The following ICA1L variants were observed in gnomAD, a reference collection of about 807,000 sequenced individuals.
The protein encoded by ICA1L is islet cell autoantigen 1-like protein.
ICA1L carries 50 observed loss-of-function variants against 61.3 expected under a neutral mutation model. The observed-to-expected ratio is 0.82, with a 90% confidence interval of 0.65 to 1.03. The LOEUF (loss-of-function observed/expected upper bound fraction) is 1.03. Among genes scored for constraint, ICA1L ranks in the 50% least tolerant of loss-of-function variants. The probability of loss-of-function intolerance (pLI) is 0.00; values close to 1 mark genes in which losing one functional copy is unlikely to be tolerated. For missense variants in ICA1L, 508 were observed against 556.7 expected, an observed-to-expected ratio of 0.91 and a Z score of 0.88; for synonymous variants, 161 against 191.3, an observed-to-expected ratio of 0.84 and a Z score of 1.31.
chr2:202,828,277 A>C (rs1408734393), intron 2 of ICA1L, among the ~76,000 whole-genome samples: 2 of 152,014 alleles, frequency 1.3e-5, no homozygotes, highest in Non-Finnish European at 2.9e-5. Flanking sequence ...AAAAAAAAAA[A>C]AAACAGACTT....
At chr2:202,809,410 G>A (rs938681673) in intron 9 of ICA1L, among the ~76,000 whole-genome samples, 7 of 152,046 alleles carry the variant, frequency 4.6e-5, no homozygotes, top group Admixed American at 2.6e-4. Flanking sequence ...AGTACTTCGA[G>A]AGGCCAAGCG....
intron 1 of ICA1L, among the ~76,000 whole-genome samples, chr2:202,842,977 AT>A (rs963196900): frequency 1.3e-5 from 2 of 151,990 alleles, no homozygotes; most frequent in Non-Finnish European, 2.9e-5. Flanking sequence ...CCAGAATTTG[AT>A]TTTTTTAAAA....
chr2:202,869,928 G>A (rs1208618345), intron 1 of ICA1L, among the ~76,000 whole-genome samples: 2 of 152,052 alleles, frequency 1.3e-5, no homozygotes, highest in African/African-American at 4.8e-5. Flanking sequence ...AGACAAAATG[G>A]AAGAGGGTAA....
chr2:202,825,015 G>A (rs968595973), intron 3 of ICA1L, among the ~76,000 whole-genome samples: 1 of 152,152 alleles, frequency 6.6e-6, no homozygotes, highest in Non-Finnish European at 1.5e-5. Context: ...CTTGACTGGA[G>A]TGAGTACAAG....
At chr2:202,800,810 A>T (rs914426521) in intron 9 of ICA1L, among the ~76,000 whole-genome samples, 2 of 152,202 alleles carry the variant, frequency 1.3e-5, no homozygotes, top group African/African-American at 4.8e-5. Flanking sequence ...AAAAGTAAAA[A>T]AAGGTAAAAA....
chr2:202,780,787 T>TATC (rs1235894193), intron 12 of ICA1L, among the ~76,000 whole-genome samples: 1 of 152,172 alleles, frequency 6.6e-6, no homozygotes, highest in Non-Finnish European at 1.5e-5. Context: ...CCTGAAGTAG[T>TATC]ATCAGTGATA....
In ICA1L at chr2:202,822,804, G is replaced by A. The variant is rs189757926; in HGVS notation, c.236-1323C>T. Among the ~76,000 whole-genome samples the A allele has an allele frequency of 1.9e-4, 29 of 152,212 alleles. No individual in the cohort carries two copies. In the East Asian group the frequency reaches 3.3e-3, roughly 17 times the overall value. ...CTGCCTCCCCACTACCCCTGTCCCC[G>A]CTGCCATGCCTACAAGGGTGACCCA... On this transcript the variant is annotated intron_variant, in intron 3 of 12. Coordinates refer to ENST00000358299, the MANE Select transcript of ICA1L (RefSeq NM_001288622.3).
chr2:202,847,168 A>G (rs1694486774), intron 1 of ICA1L, among the ~76,000 whole-genome samples: 1 of 152,208 alleles, frequency 6.6e-6, no homozygotes, highest in Non-Finnish European at 1.5e-5. Context: ...ATCTCTCCAT[A>G]TTCCAGACAT....
At chr2:202,855,247 G>T (rs1333605873) in intron 1 of ICA1L, among the ~76,000 whole-genome samples, 1 of 151,954 alleles carries the variant, frequency 6.6e-6, no homozygotes, top group Non-Finnish European at 1.5e-5. Flanking sequence ...AACTAGAGAA[G>T]CAAGAGCAAA....
Position 202,774,015 on chromosome 2 carries a change from A to T in ICA1L, c.*5518T>A, listed in dbSNP as rs186595866. On this transcript the variant is annotated 3_prime_UTR_variant, in exon 13 of 13. Transcript: ENST00000358299. ...GAAGAGTTGGCTGTTTTATTTTTTT[A>T]AATTATGAACTAGCGCTGCTCCACT... The T allele has an allele frequency of 3.2e-5, 28 of 887,580 alleles. No homozygotes were observed. In the African/African-American group the frequency reaches 3.7e-4, roughly 12 times the overall value. 55.0% of individuals were successfully genotyped at this position (887,580 alleles called of 1,614,324 possible).
At position 202,803,340 on chromosome 2, in the gene ICA1L, G is replaced by A. The variant is rs571879711; in HGVS notation, c.911-6376C>T. 2.1e-5 allele frequency among the ~76,000 whole-genome samples: 3 copies of A among 142,354 alleles called. 1 individual carries two copies. Among genetic ancestry groups the A allele is most frequent in the African/African-American group, 5.2e-5 (2 of 38,708 alleles). The allele number at this position is 142,354 out of a possible 152,430, so 93.4% of individuals were successfully genotyped here. On this transcript the variant is annotated intron_variant, in intron 9 of 12. Coordinates refer to ENST00000358299, the MANE Select transcript of ICA1L (RefSeq NM_001288622.3). Reference sequence around the variant, plus strand: ...CTCTTGAACCCAGGAGGCAGAGGTCGTAGTGAGCTGAGTTTGCACCACTGC... The same window carrying A: ...CTCTTGAACCCAGGAGGCAGAGGTCATAGTGAGCTGAGTTTGCACCACTGC...
rs781526215 is a variant in ICA1L at position 202,815,932 on chromosome 2, C to T, written c.762G>A (p.Pro254=). Residue 254 remains proline (P), a synonymous_variant, in exon 7 of 13, where the codon CCG becomes CCA. Coordinates refer to ENST00000358299, the MANE Select transcript of ICA1L (RefSeq NM_001288622.3). ...QIHEACIGFH[P]YDFVALKQLQ... ...GTACCTTGAGAGCTACAAAATCATACGGATGAAAGCCAATACAGGCTTCAT... is the reference window on the plus strand; with the variant it reads ...GTACCTTGAGAGCTACAAAATCATATGGATGAAAGCCAATACAGGCTTCAT... 1.8e-5 allele frequency: 28 copies of T among 1,590,006 alleles called. No homozygotes were observed. The highest frequency in any genetic ancestry group is 2.3e-5 in the South Asian group (2 of 87,234).
rs139178253 is a variant in ICA1L at position 202,841,450 on chromosome 2, A to C, written c.-7-12434T>G. The C allele has an allele frequency of 1.2e-3, 1,293 of 1,118,372 alleles. 10 individuals carry two copies. The African/African-American group carries it at 0.016, about 14-fold the overall frequency. The allele number at this position is 1,118,372 out of a possible 1,614,324, so 69.3% of individuals were successfully genotyped here. A position where few individuals can be genotyped will look rare whatever the true frequency, so the allele number is the denominator to read the frequency against. The stretch of plus-strand genomic sequence containing the variant: ...CAGCATCTTGTTCTGCTGCTCCAGG[A>C]ATTGTACCTTGTCTATGGAGGAGGC... On this transcript the variant is annotated intron_variant, in intron 1 of 12. Transcript: ENST00000358299.
intron 2 of ICA1L, among the ~76,000 whole-genome samples, chr2:202,826,079 C>G (rs569433472): frequency 6.6e-6 from 1 of 152,142 alleles, no homozygotes; most frequent in East Asian, 1.9e-4. Context: ...CAACATAAAT[C>G]TAATATAAAC....
chr2:202,841,533 C>T (rs1694329689), intron 1 of ICA1L: 1 of 723,090 alleles, frequency 1.4e-6, no homozygotes, highest in Admixed American at 1.8e-5. Flanking sequence ...TTGGGTTCCA[C>T]CTCCAGGTTA....
intron 1 of ICA1L, among the ~76,000 whole-genome samples, chr2:202,861,698 C>T (rs566409746): frequency 6.6e-6 from 1 of 151,578 alleles, no homozygotes; most frequent in African/African-American, 2.4e-5. Flanking sequence ...ACCAGCCTGG[C>T]CAACATGGTG....
intron 1 of ICA1L, chr2:202,841,744 G>T: frequency 2.1e-6 from 1 of 487,008 alleles, no homozygotes; most frequent in Non-Finnish European, 4.0e-6. Flanking sequence ...ACCTCTGGTG[G>T]ACACCTTGTA....
Position 202,779,527 on chromosome 2 carries a change from C to T in ICA1L, c.*6G>A. 6.5e-7 allele frequency: 1 copy of T among 1,545,404 alleles called. No individual in the cohort carries two copies. Among genetic ancestry groups the T allele is most frequent in the Non-Finnish European group, 8.9e-7 (1 of 1,122,582 alleles). ...CAAGGCCACTGAAGTGACATTATAA[C>T]TTCAGTCAAGCATTAAGAAGTTCAT... On this transcript the variant is annotated 3_prime_UTR_variant, in exon 13 of 13. Coordinates refer to ENST00000358299, the MANE Select transcript of ICA1L (RefSeq NM_001288622.3).
intron 1 of ICA1L, among the ~76,000 whole-genome samples, chr2:202,857,277 T>C (rs1036357762): frequency 6.6e-6 from 1 of 151,324 alleles, no homozygotes. Flanking sequence ...CCAGAAAAGA[T>C]ACATAGATCA....
Sources: gnomAD v4.1 joint callset for allele counts (sites outside exome capture counted in the v4.1 genomes callset) on GRCh38, gnomAD v4.1.1 for gene constraint, MANE v1.5 for transcripts, NCBI Gene and HGNC (gene_info 2026-07-23, HGNC 2026-07-21) for gene names.